PVT1: variants seen among roughly 807,000 people sequenced by gnomAD.
PVT1 encodes the protein Pvt1 oncogene, also known as CXCR4/PVT1 fusion.
At chr8:127,897,628 AAAG>A (rs1025308886) in intron 3 of PVT1, among the ~76,000 whole-genome samples, 1 of 150,034 alleles carries the variant, frequency 6.7e-6, no homozygotes, top group Non-Finnish European at 1.5e-5. Flanking sequence ...AGAAAGAAAG[AAAG>A]ACAGACAAAG....
At chr8:127,855,081 C>T in intron 2 of PVT1, 1 of 398,394 alleles carries the variant, frequency 2.5e-6, no homozygotes, top group East Asian at 3.6e-5. Flanking sequence ...TTTAAACTAC[C>T]CGATTCAAGT....
intron 3 of PVT1, among the ~76,000 whole-genome samples, chr8:127,969,512 TG>T (rs1216161377): frequency 6.6e-6 from 1 of 152,186 alleles, no homozygotes; most frequent in Non-Finnish European, 1.5e-5. Flanking sequence ...ACTGACCATC[TG>T]GGGGCTCGAG....
chr8:128,005,877 G>A (rs1411655331), intron 4 of PVT1, among the ~76,000 whole-genome samples: 1 of 152,126 alleles, frequency 6.6e-6, no homozygotes, highest in African/African-American at 2.4e-5. Context: ...GCCAAGGCAG[G>A]CAGATTACTT....
At chr8:128,024,752 A>G (rs147300126) in intron 4 of PVT1, among the ~76,000 whole-genome samples, 232 of 152,336 alleles carry the variant, frequency 1.5e-3, no homozygotes, top group African/African-American at 4.8e-3. Context: ...AGCTGCTCCT[A>G]TGCGCCTGTG....
intron 3 of PVT1, among the ~76,000 whole-genome samples, chr8:127,988,126 T>C (rs575391894): frequency 6.6e-6 from 1 of 152,330 alleles, no homozygotes; most frequent in East Asian, 1.9e-4. Flanking sequence ...AAGTTGTTCC[T>C]TGGGGAGAGA....
chr8:128,011,609 C>A (rs1044039926), intron 4 of PVT1, among the ~76,000 whole-genome samples: 1 of 152,102 alleles, frequency 6.6e-6, no homozygotes, highest in African/African-American at 2.4e-5. Context: ...TTTAAGCCAC[C>A]CAGTCTGGTG....
chr8:128,072,550 A>T (rs1406630605), intron 5 of PVT1, among the ~76,000 whole-genome samples: 1 of 152,148 alleles, frequency 6.6e-6, no homozygotes, highest in East Asian at 1.9e-4. Flanking sequence ...CTCAGTTTCC[A>T]CTTACACTGA....
chr8:127,978,526 G>A (rs1816847906), intron 3 of PVT1, among the ~76,000 whole-genome samples: 1 of 151,872 alleles, frequency 6.6e-6, no homozygotes, highest in Non-Finnish European at 1.5e-5. Context: ...TGTTGCCCAG[G>A]CTGGAGTGCA....
At chr8:127,900,066 C>A (rs533702163) in intron 3 of PVT1, among the ~76,000 whole-genome samples, 1 of 151,914 alleles carries the variant, frequency 6.6e-6, no homozygotes, top group Admixed American at 6.6e-5. Context: ...TTTTGAGATG[C>A]AGTCTCGCTC....
chr8:128,062,357 A>G (rs1018892264), intron 4 of PVT1, among the ~76,000 whole-genome samples: 5 of 152,238 alleles, frequency 3.3e-5, no homozygotes, highest in Non-Finnish European at 5.9e-5. Flanking sequence ...TATCTACCAG[A>G]ACACAACATT....
intron 4 of PVT1, among the ~76,000 whole-genome samples, chr8:127,999,466 T>A (rs1005689961): frequency 5.6e-5 from 5 of 90,062 alleles, no homozygotes; most frequent in South Asian, 2.6e-4. Context: ...ATTTCACCCA[T>A]TTTTTTTTTT....
chr8:127,909,275 G>T (rs779077494), intron 3 of PVT1, among the ~76,000 whole-genome samples: 3 of 152,244 alleles, frequency 2.0e-5, no homozygotes, highest in Non-Finnish European at 2.9e-5. Flanking sequence ...GTGAATGTAA[G>T]TGACTGTCTG....
intron 4 of PVT1, among the ~76,000 whole-genome samples, chr8:128,029,148 T>G (rs1451647821): frequency 1.3e-5 from 2 of 151,836 alleles, no homozygotes; most frequent in Non-Finnish European, 2.9e-5. Context: ...CTGGCTAATT[T>G]TTTATTTGAT....
At chr8:127,809,795 G>A (rs1026189434) in intron 2 of PVT1, among the ~76,000 whole-genome samples, 1 of 152,322 alleles carries the variant, frequency 6.6e-6, no homozygotes, top group African/African-American at 2.4e-5. Context: ...CATAGTTTTA[G>A]TCCCACTTAG....
chr8:127,910,185 G>T (rs1381656045), intron 3 of PVT1, among the ~76,000 whole-genome samples: 1 of 152,140 alleles, frequency 6.6e-6, no homozygotes. Context: ...ATGGACGTGG[G>T]TCTCTGCTGG....
At chr8:127,953,059 C>T (rs371726263) in intron 3 of PVT1, among the ~76,000 whole-genome samples, 9 of 152,142 alleles carry the variant, frequency 5.9e-5, no homozygotes, top group South Asian at 4.1e-4. Context: ...CCACCGCGTC[C>T]GGCCCGTGCC....
intron 3 of PVT1, chr8:127,984,032 C>G (rs1816914674): frequency 6.6e-6 from 1 of 152,068 alleles, no homozygotes; most frequent in African/African-American, 2.4e-5. Context: ...GCGTGTGCCA[C>G]AAAGCCTGGC....
chr8:127,977,231 G>C (rs1816831872), intron 3 of PVT1, among the ~76,000 whole-genome samples: 2 of 152,144 alleles, frequency 1.3e-5, no homozygotes, highest in South Asian at 4.1e-4. Flanking sequence ...AGGATGTGCA[G>C]TAGGTCTGGT....
At chr8:128,024,295 T>C (rs924376) in intron 4 of PVT1, among the ~76,000 whole-genome samples, 22,009 of 152,082 alleles carry the variant, frequency 0.14, 3,598 homozygotes, top group African/African-American at 0.41. Context: ...CCAGTGGGTG[T>C]CACTGAAATT....
Sources: gnomAD v4.1 joint callset for allele counts (sites outside exome capture counted in the v4.1 genomes callset) on GRCh38, gnomAD v4.1.1 for gene constraint, MANE v1.5 for transcripts, NCBI Gene and HGNC (gene_info 2026-07-23, HGNC 2026-07-21) for gene names.